The following TENT4B variants were observed in gnomAD, a reference collection of about 807,000 sequenced individuals.
TENT4B encodes PAP associated domain containing 5.
Under a neutral mutation model 75.0 loss-of-function variants are expected in TENT4B, and 10 were observed. The ratio of observed to expected loss-of-function variants is 0.13; its 90% CI spans 0.08 to 0.23. The LOEUF is 0.23. Among genes scored for constraint, TENT4B ranks in the 10% least tolerant of loss-of-function variants. TENT4B has a pLI of 1.00. For synonymous variants in TENT4B, 350 were observed against 357.7 expected (o/e 0.98, Z 0.24); for missense variants, 579 against 893.8 (o/e 0.65, Z 4.49).
At chr16:50,194,836 C>T (rs2030110950) in intron 1 of TENT4B, among the ~76,000 whole-genome samples, 1 of 150,432 alleles carries the variant, frequency 6.6e-6, no homozygotes, top group Admixed American at 6.7e-5. Flanking sequence ...GCAAGCTCTG[C>T]CTCCCAGGTT....
At chr16:50,211,591 A>C (rs117060081) in intron 2 of TENT4B, 145 bp downstream of exon 2, 2 of 907,042 alleles carry the variant, frequency 2.2e-6, no homozygotes, top group Non-Finnish European at 2.9e-6. Context: ...AAAGGCAAAC[A>C]ATTTTCTGCA....
At chr16:50,190,086 A>G (rs1474113607) in intron 1 of TENT4B, among the ~76,000 whole-genome samples, 6 of 123,972 alleles carry the variant, frequency 4.8e-5, no homozygotes, top group Non-Finnish European at 8.8e-5. Context: ...AAAAAAAAAA[A>G]AAAAAAACAA....
chr16:50,192,346 C>T (rs571899891), intron 1 of TENT4B, among the ~76,000 whole-genome samples: 14 of 151,972 alleles, frequency 9.2e-5, no homozygotes, highest in African/African-American at 3.1e-4. Flanking sequence ...GGGATGAGAT[C>T]GTGGAGGATG....
chr16:50,158,704 T>A (rs1375387659), intron 1 of TENT4B, among the ~76,000 whole-genome samples: 3 of 152,170 alleles, frequency 2.0e-5, no homozygotes, highest in Non-Finnish European at 4.4e-5. Context: ...GATGCTTTTT[T>A]AAGGCTTGGA....
At chr16:50,168,752 T>G (rs1359141381) in intron 1 of TENT4B, among the ~76,000 whole-genome samples, 1 of 152,074 alleles carries the variant, frequency 6.6e-6, no homozygotes, top group Non-Finnish European at 1.5e-5. Flanking sequence ...TTCAAGCGAT[T>G]CTCCTGCCTC....
chr16:50,231,216 C>A lies in TENT4B; in HGVS notation c.*1888C>A, dbSNP rs999195977. 5.1e-6 allele frequency: 5 copies of A among 985,022 alleles called. No homozygotes were observed. The highest frequency in any genetic ancestry group is 1.7e-5 in the African/African-American group (1 of 57,220). 61.0% of individuals were successfully genotyped at this position (985,022 alleles called of 1,614,324 possible). A position where few individuals can be genotyped will look rare whatever the true frequency, so the allele number is the denominator to read the frequency against. On this transcript the variant is annotated 3_prime_UTR_variant, in exon 12 of 12. Coordinates refer to ENST00000561678, the MANE Select transcript of TENT4B (RefSeq NM_001365324.3). ...GACAATGTTTTAAATTTTAGAGTCACATTTTATTCTGATCAGAATTTTTAT... is the reference window on the plus strand; with the variant it reads ...GACAATGTTTTAAATTTTAGAGTCAAATTTTATTCTGATCAGAATTTTTAT...
chr16:50,178,732 T>C (rs1445665729), intron 1 of TENT4B, among the ~76,000 whole-genome samples: 2 of 152,206 alleles, frequency 1.3e-5, no homozygotes, highest in African/African-American at 2.4e-5. Context: ...ATTGCACTTA[T>C]ATGAGGTATC....
At position 50,190,523 on chromosome 16, in the gene TENT4B, A is replaced by G. The variant is rs955751214; in HGVS notation, c.639-20800A>G. ...TAGATTTGCCTATTCTGCATATTTT[A>G]TATAAATGGAATCATGTCTTTTGTG... On this transcript the variant is annotated intron_variant, in intron 1 of 11. Coordinates refer to ENST00000561678, the MANE Select transcript of TENT4B (RefSeq NM_001365324.3). 6.6e-5 allele frequency among the ~76,000 whole-genome samples: 10 copies of G among 151,980 alleles called. 1 individual carries two copies. The highest frequency in any genetic ancestry group is 2.4e-4 in the African/African-American group (10 of 41,254).
intron 1 of TENT4B, among the ~76,000 whole-genome samples, chr16:50,193,276 T>C (rs535865806): frequency 6.6e-6 from 1 of 151,694 alleles, no homozygotes; most frequent in Non-Finnish European, 1.5e-5. Flanking sequence ...ACCAAAGGGT[T>C]AGGAGAGTCA....
At chr16:50,220,091 C>T (rs902033604) in intron 5 of TENT4B, among the ~76,000 whole-genome samples, 4 of 151,830 alleles carry the variant, frequency 2.6e-5, no homozygotes, top group Non-Finnish European at 5.9e-5. Context: ...CAGGTTCAAG[C>T]GATTCTCCTG....
rs1338774012 is a variant in TENT4B at position 50,232,019 on chromosome 16, C to G, written c.*2691C>G. ...CTTGTTGAATGGGATTTTACAAATT[C>G]TCCCTCACTCTGGTGACATTTCTCA... On this transcript the variant is annotated 3_prime_UTR_variant, in exon 12 of 12. Transcript: ENST00000561678. The G allele has an allele frequency of 2.0e-6, 2 of 985,124 alleles. No homozygotes were observed. The highest frequency in any genetic ancestry group is 9.4e-5 in the South Asian group (2 of 21,278). The allele number at this position is 985,124 out of a possible 1,614,324, so 61.0% of individuals were successfully genotyped here.
At chr16:50,219,058 AAAAG>A (rs2031704743) in intron 5 of TENT4B, among the ~76,000 whole-genome samples, 2 of 152,182 alleles carry the variant, frequency 1.3e-5, no homozygotes, top group Admixed American at 6.5e-5. Flanking sequence ...GCAGAAAAAT[AAAAG>A]AAAGATTATC....
At chr16:50,212,911 C>G (rs779984301) in intron 2 of TENT4B, among the ~76,000 whole-genome samples, 3 of 152,132 alleles carry the variant, frequency 2.0e-5, no homozygotes, top group Non-Finnish European at 2.9e-5. Flanking sequence ...TAACCCTTAT[C>G]TTTCTTAGGT....
intron 1 of TENT4B, among the ~76,000 whole-genome samples, chr16:50,174,838 G>T (rs2038274493): frequency 6.7e-6 from 1 of 150,272 alleles, no homozygotes; most frequent in African/African-American, 2.5e-5. Flanking sequence ...CCGCCTCCCA[G>T]GTTTAAGCAA....
chr16:50,199,409 G>T (rs1019876158), intron 1 of TENT4B, among the ~76,000 whole-genome samples: 1 of 152,344 alleles, frequency 6.6e-6, no homozygotes, highest in South Asian at 2.1e-4. Flanking sequence ...GGAGTAAGGG[G>T]ACAGGCCATT....
intron 1 of TENT4B, among the ~76,000 whole-genome samples, chr16:50,204,038 C>T (rs2030810048): frequency 6.6e-6 from 1 of 152,116 alleles, no homozygotes; most frequent in South Asian, 2.1e-4. Context: ...TGCCCTGGTC[C>T]AGTTCTGTGG....
At position 50,233,626 on chromosome 16, in the gene TENT4B, G is replaced by T. The variant is rs1044520252; in HGVS notation, c.*4298G>T. On this transcript the variant is annotated 3_prime_UTR_variant, in exon 12 of 12. Coordinates refer to ENST00000561678, the MANE Select transcript of TENT4B (RefSeq NM_001365324.3). ...ATTTGATACCTAGAATTAAATATTT[G>T]AGGACAGTTTTTAGTTAATAAACTG... is the stretch of plus-strand genomic sequence containing the variant. 5 of 983,596 alleles carry T rather than the reference G, an allele frequency of 5.1e-6. No homozygotes were observed. In the African/African-American group the frequency reaches 8.8e-5, roughly 17 times the overall value. The allele number at this position is 983,596 out of a possible 1,614,324, so 60.9% of individuals were successfully genotyped here.
In TENT4B at chr16:50,229,387, C is replaced by T. The variant is rs1044658139; in HGVS notation, c.*59C>T. 40 of 1,533,422 alleles carry T rather than the reference C, an allele frequency of 2.6e-5. No individual in the cohort carries two copies. Among genetic ancestry groups the T allele is most frequent in the African/African-American group, 8.4e-5 (6 of 71,666 alleles). 95.0% of individuals were successfully genotyped at this position (1,533,422 alleles called of 1,614,324 possible). On this transcript the variant is annotated 3_prime_UTR_variant, in exon 12 of 12. Transcript: ENST00000561678. Reference sequence around the variant, plus strand: ...AATGATCTCATGCTCAGGACAGTTGCGCAGGGACTCCTGGGAGATATTCAG... The same window carrying T: ...AATGATCTCATGCTCAGGACAGTTGTGCAGGGACTCCTGGGAGATATTCAG...
At chr16:50,226,271 G>T (rs1346874817) in intron 10 of TENT4B, among the ~76,000 whole-genome samples, 1 of 152,220 alleles carries the variant, frequency 6.6e-6, no homozygotes, top group Non-Finnish European at 1.5e-5. Flanking sequence ...AAAGTGCTGG[G>T]ATTACAGGCG....
Sources: gnomAD v4.1 joint callset for allele counts (sites outside exome capture counted in the v4.1 genomes callset) on GRCh38, gnomAD v4.1.1 for gene constraint, MANE v1.5 for transcripts, NCBI Gene and HGNC (gene_info 2026-07-23, HGNC 2026-07-21) for gene names.